Variants in THSD4 observed in about 807,000 individuals in gnomAD.
THSD4 encodes thrombospondin type-1 domain-containing protein 4.
THSD4 carries 69 observed loss-of-function variants against 119.0 expected under a neutral mutation model. The ratio of observed to expected loss-of-function variants is 0.58; its 90% CI spans 0.48 to 0.71. The LOEUF (loss-of-function observed/expected upper bound fraction) is 0.71, where lower values mean the gene tolerates loss of function less well. Ranked by LOEUF, THSD4 falls within the 30% of genes least tolerant of loss-of-function variation. THSD4 has a pLI of 0.00. For missense variants in THSD4, 1,393 were observed against 1,391.1 expected (o/e 1.00, Z -0.02); for synonymous variants, 524 against 540.4 (o/e 0.97, Z 0.42).
chr15:71,365,896 G>T (rs4777374), intron 6 of THSD4, among the ~76,000 whole-genome samples: 29,972 of 152,110 alleles, frequency 0.2, 3,620 homozygotes, highest in East Asian at 0.54. Flanking sequence ...ACAGTCGCAA[G>T]TCAGTTACTA....
intron 7 of THSD4, among the ~76,000 whole-genome samples, chr15:71,619,226 C>T (rs1198827583): frequency 6.6e-6 from 1 of 152,146 alleles, no homozygotes; most frequent in African/African-American, 2.4e-5. Flanking sequence ...CCTACCTCAG[C>T]CTCCCAAAGT....
At chr15:71,622,993 C>G (rs1414707342) in intron 7 of THSD4, among the ~76,000 whole-genome samples, 1 of 151,886 alleles carries the variant, frequency 6.6e-6, no homozygotes, top group African/African-American at 2.4e-5. Context: ...GGAGTCTTTT[C>G]TGTTGCAGTG....
chr15:71,747,576 G>A (rs1449230022), intron 13 of THSD4, among the ~76,000 whole-genome samples: 1 of 152,224 alleles, frequency 6.6e-6, no homozygotes, highest in Non-Finnish European at 1.5e-5. Flanking sequence ...AGGAGACGGG[G>A]ACCCCTTGAA....
intron 7 of THSD4, among the ~76,000 whole-genome samples, chr15:71,413,802 G>A (rs774909631): frequency 6.6e-6 from 1 of 152,154 alleles, no homozygotes; most frequent in Non-Finnish European, 1.5e-5. Flanking sequence ...TGCTCCTTTG[G>A]AAAAACCACT....
intron 7 of THSD4, among the ~76,000 whole-genome samples, chr15:71,531,200 T>C (rs1367235649): frequency 1.3e-5 from 2 of 152,184 alleles, no homozygotes; most frequent in East Asian, 3.9e-4. Context: ...GCTGGGCTTC[T>C]GGGCCTGGCT....
At chr15:71,730,493 G>A (rs893968477) in intron 9 of THSD4, 4 of 152,680 alleles carry the variant, frequency 2.6e-5, no homozygotes, top group Non-Finnish European at 5.8e-5. Flanking sequence ...ACAGTCCTAC[G>A]TAGATTCCTG....
chr15:71,269,784 C>T (rs2044508057), intron 6 of THSD4, among the ~76,000 whole-genome samples: 1 of 152,164 alleles, frequency 6.6e-6, no homozygotes, highest in South Asian at 2.1e-4. Flanking sequence ...GCAAAAATCA[C>T]AAGCTTTCTT....
intron 7 of THSD4, among the ~76,000 whole-genome samples, chr15:71,507,116 G>T (rs1045768299): frequency 3.3e-5 from 5 of 152,198 alleles, no homozygotes; most frequent in Admixed American, 2.0e-4. Flanking sequence ...GCCTCGGGCT[G>T]CCCCCAGGGG....
At chr15:71,677,637 C>A (rs547502354) in intron 8 of THSD4, among the ~76,000 whole-genome samples, 64 of 152,238 alleles carry the variant, frequency 4.2e-4, no homozygotes, top group African/African-American at 1.5e-3. Flanking sequence ...TATGCTGGAA[C>A]GAAAGGAAAT....
At chr15:71,757,745 C>A in intron 14 of THSD4, 157 bp from the exon 15 acceptor site, 1 of 867,094 alleles carries the variant, frequency 1.2e-6, no homozygotes, top group Non-Finnish European at 1.7e-6. Context: ...ACTGATATCT[C>A]ATAATGGAGT....
At chr15:71,586,685 G>C (rs2049677192) in intron 7 of THSD4, among the ~76,000 whole-genome samples, 1 of 152,282 alleles carries the variant, frequency 6.6e-6, no homozygotes, top group African/African-American at 2.4e-5. Flanking sequence ...TTTTCTGAAG[G>C]TCAACTGTGC....
intron 6 of THSD4, among the ~76,000 whole-genome samples, chr15:71,318,305 C>T (rs945753805): frequency 2.6e-5 from 4 of 151,916 alleles, no homozygotes; most frequent in Admixed American, 6.6e-5. Flanking sequence ...GAATGAAGGC[C>T]GAGGATGTCA....
At chr15:71,389,807 G>GTTTTTTTTTTT (rs1237701264) in intron 6 of THSD4, among the ~76,000 whole-genome samples, 88 of 46,204 alleles carry the variant, frequency 1.9e-3, no homozygotes, top group African/African-American at 3.0e-3. Flanking sequence ...TATTTTCTGG[G>GTTTTTTTTTTT]TTGTTTTTTT....
At chr15:71,663,734 A>C (rs978079862) in intron 8 of THSD4, among the ~76,000 whole-genome samples, 1 of 152,154 alleles carries the variant, frequency 6.6e-6, no homozygotes, top group African/African-American at 2.4e-5. Context: ...TATTTTTTAC[A>C]TTGTACATTG....
At chr15:71,741,851 G>A (rs2053242323) in intron 11 of THSD4, among the ~76,000 whole-genome samples, 1 of 152,166 alleles carries the variant, frequency 6.6e-6, no homozygotes, top group Admixed American at 6.5e-5. Flanking sequence ...GCAAACCTAG[G>A]GATGTGTTGT....
chr15:71,225,362 T>G (rs767339324), intron 4 of THSD4, among the ~76,000 whole-genome samples: 8 of 152,128 alleles, frequency 5.3e-5, no homozygotes, highest in Non-Finnish European at 1.0e-4. Context: ...GGGCCTGAGT[T>G]TCTACATTCA....
intron 6 of THSD4, among the ~76,000 whole-genome samples, chr15:71,378,286 A>AG (rs2046177916): frequency 6.6e-6 from 1 of 152,198 alleles, no homozygotes; most frequent in South Asian, 2.1e-4. Flanking sequence ...ATGCTGAGAA[A>AG]GGGATGCCTT....
At chr15:71,602,955 T>C (rs1392373325) in intron 7 of THSD4, among the ~76,000 whole-genome samples, 1 of 152,168 alleles carries the variant, frequency 6.6e-6, no homozygotes, top group African/African-American at 2.4e-5. Context: ...ATGTAGCCAC[T>C]GGTGAGAAGG....
chr15:71,502,152 A>G (rs2048121519), intron 7 of THSD4, among the ~76,000 whole-genome samples: 1 of 152,262 alleles, frequency 6.6e-6, no homozygotes, highest in Non-Finnish European at 1.5e-5. Context: ...TTGTACAGGG[A>G]TAAATAGCAT....
Sources: allele counts gnomAD v4.1 joint callset (sites outside exome capture counted in the v4.1 genomes callset), GRCh38; gene constraint gnomAD v4.1.1; transcripts MANE v1.5; gene names NCBI Gene and HGNC (gene_info 2026-07-23, HGNC 2026-07-21).